LRRC52: variants seen among roughly 807,000 people sequenced by gnomAD.
The protein encoded by LRRC52 is leucine-rich repeat-containing protein 52.
Under a neutral mutation model 14.7 loss-of-function variants are expected in LRRC52, and 15 were observed. The observed-to-expected ratio is 1.02, with a 90% confidence interval of 0.68 to 1.58. LRRC52 has a LOEUF of 1.58. Among genes scored for constraint, LRRC52 ranks in the 40% most tolerant of loss-of-function variants. LRRC52 has a pLI of 0.00. For missense variants in LRRC52, 400 were observed against 387.7 expected (o/e 1.03, Z -0.27); for synonymous variants, 180 against 163.9 (o/e 1.10, Z -0.75).
chr1:165,554,332 G>A (rs138960811), intron 1 of LRRC52, among the ~76,000 whole-genome samples: 1 of 152,068 alleles, frequency 6.6e-6, no homozygotes, highest in Non-Finnish European at 1.5e-5. Context: ...TTCAACTTGG[G>A]GGAGCCAGAG....
chr1:165,557,336 G>C (rs1661256229), intron 1 of LRRC52, among the ~76,000 whole-genome samples: 2 of 152,018 alleles, frequency 1.3e-5, no homozygotes, highest in African/African-American at 4.8e-5. Context: ...ACTCTCATAG[G>C]GATTGGTACT....
intron 1 of LRRC52, among the ~76,000 whole-genome samples, chr1:165,562,976 G>C (rs1353286077): frequency 6.6e-6 from 1 of 152,092 alleles, no homozygotes; most frequent in African/African-American, 2.4e-5. Context: ...TGAGTGGCTT[G>C]CAATGCTCTC....
Position 165,544,658 on chromosome 1 carries a change from T to C in LRRC52, c.362T>C (p.Phe121Ser). 4 of 1,614,060 alleles carry C rather than the reference T, an allele frequency of 2.5e-6. No homozygotes were observed. Among genetic ancestry groups the C allele is most frequent in the Non-Finnish European group, 3.4e-6 (4 of 1,180,008 alleles). ...CTAACCTCGATCTCCCCATTCACTT[T>C]CTCGGTGCTCAGCAACCTGGTGCAG... The part of the protein sequence containing the change: ...NNLTSISPFT[F>S]SVLSNLVQLN... Residue 121 changes from phenylalanine to serine, a missense_variant, in exon 1 of 2, where the codon TTC becomes TCC. Transcript: ENST00000294818.
chr1:165,547,652 A>G (rs1661049371), intron 1 of LRRC52, among the ~76,000 whole-genome samples: 1 of 152,246 alleles, frequency 6.6e-6, no homozygotes, highest in African/African-American at 2.4e-5. Flanking sequence ...AGGTTTGTAT[A>G]TACCATATAT....
chr1:165,558,242 A>T (rs1201484872), intron 1 of LRRC52, among the ~76,000 whole-genome samples: 2 of 152,206 alleles, frequency 1.3e-5, no homozygotes, highest in East Asian at 3.9e-4. Context: ...TTGCAATAAG[A>T]AGTTCAATAT....
intron 1 of LRRC52, among the ~76,000 whole-genome samples, chr1:165,554,908 C>A (rs888809502): frequency 5.9e-5 from 9 of 152,236 alleles, no homozygotes; most frequent in Admixed American, 5.9e-4. Context: ...GCTTTGGTCA[C>A]AGCATTTGGC....
intron 1 of LRRC52, among the ~76,000 whole-genome samples, chr1:165,553,486 G>T (rs1217996898): frequency 6.6e-6 from 1 of 152,216 alleles, no homozygotes; most frequent in East Asian, 1.9e-4. Flanking sequence ...AAGCATGGCT[G>T]TGGACTGAAG....
At chr1:165,550,469 C>T (rs1661109466) in intron 1 of LRRC52, among the ~76,000 whole-genome samples, 2 of 152,132 alleles carry the variant, frequency 1.3e-5, no homozygotes, top group African/African-American at 4.8e-5. Flanking sequence ...TATTTCAATA[C>T]ATTTAAATAG....
chr1:165,555,294 A>G (rs1661210744), intron 1 of LRRC52, among the ~76,000 whole-genome samples: 1 of 152,204 alleles, frequency 6.6e-6, no homozygotes. Context: ...GAGAGAAGCC[A>G]AGGAAATATT....
intron 1 of LRRC52, among the ~76,000 whole-genome samples, chr1:165,545,913 A>T (rs955364850): frequency 1.3e-5 from 2 of 151,680 alleles, no homozygotes; most frequent in African/African-American, 4.9e-5. Context: ...AAAACCATGT[A>T]GTTTCTGTCT....
chr1:165,552,034 T>A (rs1429947305), intron 1 of LRRC52, among the ~76,000 whole-genome samples: 1 of 150,010 alleles, frequency 6.7e-6, no homozygotes, highest in Non-Finnish European at 1.5e-5. Flanking sequence ...CCAAGGCTGT[T>A]GAAAGCCAGA....
At chr1:165,559,065 T>C (rs1436794116) in intron 1 of LRRC52, among the ~76,000 whole-genome samples, 4 of 152,190 alleles carry the variant, frequency 2.6e-5, no homozygotes, top group African/African-American at 9.7e-5. Context: ...ATTATAACTT[T>C]GTATGCACCT....
At chr1:165,562,278 T>A (rs1312492025) in intron 1 of LRRC52, among the ~76,000 whole-genome samples, 2 of 152,224 alleles carry the variant, frequency 1.3e-5, no homozygotes, top group East Asian at 1.9e-4. Flanking sequence ...TATTTGTAAA[T>A]AACTTAGTGC....
chr1:165,544,203 G>GCCCCGCCCCCCCCC lies in LRRC52; in HGVS notation c.-90_-89insGCCCCCCCCCCCCC. The GCCCCGCCCCCCCCC allele has an allele frequency of 1.0e-6, 1 of 1,001,758 alleles. No individual in the cohort carries two copies. Among genetic ancestry groups the GCCCCGCCCCCCCCC allele is most frequent in the Non-Finnish European group, 1.4e-6 (1 of 706,268 alleles). The allele number at this position is 1,001,758 out of a possible 1,614,324, so 62.1% of individuals were successfully genotyped here. On this transcript the variant is annotated 5_prime_UTR_variant, in exon 1 of 2. Transcript: ENST00000294818. ...CTAAAGTGTTACAGTTCTTTCCAGA[G>GCCCCGCCCCCCCCC]CCCCTCCCCCGCCCCACCCCCCCAC...
chr1:165,545,737 T>C (rs933952598), intron 1 of LRRC52, among the ~76,000 whole-genome samples: 1 of 152,112 alleles, frequency 6.6e-6, no homozygotes, highest in South Asian at 2.1e-4. Context: ...CTTAGGGACT[T>C]TACTGTCTCA....
At chr1:165,547,623 CACACATATGCAA>C (rs1661048982) in intron 1 of LRRC52, among the ~76,000 whole-genome samples, 1 of 152,182 alleles carries the variant, frequency 6.6e-6, no homozygotes, top group African/African-American at 2.4e-5. Context: ...AATACCTACA[CACACATATGCAA>C]ACACAAAGGT....
intron 1 of LRRC52, 139 bp downstream of exon 1, chr1:165,545,057 C>A (rs1377100834): frequency 1.8e-6 from 2 of 1,107,422 alleles, no homozygotes; most frequent in Non-Finnish European, 1.3e-6. Context: ...CAGGGCCCAC[C>A]CTTGGGTTGA....
At chr1:165,546,853 G>T (rs1284608127) in intron 1 of LRRC52, among the ~76,000 whole-genome samples, 1 of 152,124 alleles carries the variant, frequency 6.6e-6, no homozygotes, top group Non-Finnish European at 1.5e-5. Context: ...TTATAAAGTA[G>T]ATCTTTTTCA....
chr1:165,557,497 G>A (rs765620016), intron 1 of LRRC52, among the ~76,000 whole-genome samples: 4 of 152,172 alleles, frequency 2.6e-5, no homozygotes, highest in African/African-American at 4.8e-5. Flanking sequence ...CAACAAATAC[G>A]CCCTGTGCTC....
Sources: allele counts gnomAD v4.1 joint callset (sites outside exome capture counted in the v4.1 genomes callset), GRCh38; gene constraint gnomAD v4.1.1; transcripts MANE v1.5; gene names NCBI Gene and HGNC (gene_info 2026-07-23, HGNC 2026-07-21).